SIPA1L1: variants seen among roughly 807,000 people sequenced by gnomAD.
The protein encoded by SIPA1L1 is signal induced proliferation associated 1 like 1.
SIPA1L1 carries 26 observed loss-of-function variants against 162.7 expected under a neutral mutation model. The ratio of observed to expected loss-of-function variants is 0.16; its 90% CI spans 0.12 to 0.22. SIPA1L1 has a LOEUF of 0.22. SIPA1L1 is among the 10% of genes least tolerant of loss of function. The pLI is 1.00. For missense variants in SIPA1L1, 1,874 were observed against 2,241.0 expected, an observed-to-expected ratio of 0.84 and a Z score of 3.31; for synonymous variants, 829 against 837.4, an observed-to-expected ratio of 0.99 and a Z score of 0.17.
intron 8 of SIPA1L1, among the ~76,000 whole-genome samples, chr14:71,651,629 G>A (rs1459554078): frequency 1.3e-5 from 2 of 152,038 alleles, no homozygotes; most frequent in Non-Finnish European, 2.9e-5. Flanking sequence ...CATTCATGTT[G>A]CCCCCATTTG....
At chr14:71,459,462 G>C (rs1279088229) in intron 2 of SIPA1L1, among the ~76,000 whole-genome samples, 1 of 147,820 alleles carries the variant, frequency 6.8e-6, no homozygotes, top group Non-Finnish European at 1.5e-5. Context: ...TCCATCCAGA[G>C]AGAGAGAGAG....
intron 12 of SIPA1L1, among the ~76,000 whole-genome samples, chr14:71,676,793 A>G (rs2045248424): frequency 6.6e-6 from 1 of 152,030 alleles, no homozygotes; most frequent in South Asian, 2.1e-4. Flanking sequence ...ATGTCCCTAC[A>G]AAGGACATTA....
At chr14:71,421,476 G>A (rs1719914784) in intron 2 of SIPA1L1, among the ~76,000 whole-genome samples, 1 of 152,080 alleles carries the variant, frequency 6.6e-6, no homozygotes, top group Non-Finnish European at 1.5e-5. Flanking sequence ...GTGTTTGCTT[G>A]TAGTCCCAGC....
In SIPA1L1 at chr14:71,670,007, C is replaced by G. The variant is rs544013737; in HGVS notation, c.2256-1112C>G. 5.9e-5 allele frequency among the ~76,000 whole-genome samples: 9 copies of G among 152,250 alleles called. No individual in the cohort carries two copies. The South Asian group carries it at 1.9e-3, about 32-fold the overall frequency. On this transcript the variant is annotated intron_variant, in intron 10 of 23. Coordinates refer to ENST00000381232, the MANE Select transcript of SIPA1L1 (RefSeq NM_001386936.1). ...ATTTTATTTGAAAGATGCATACTCT[C>G]TGATGATGCCATTTCTATTCCAAGA...
chr14:71,519,145 T>C (rs985246368), intron 3 of SIPA1L1, among the ~76,000 whole-genome samples: 10 of 151,602 alleles, frequency 6.6e-5, no homozygotes, highest in African/African-American at 1.7e-4. Context: ...AAACTAGAAA[T>C]ATTACCCGGT....
At chr14:71,386,032 C>T (rs185107733) in intron 2 of SIPA1L1, among the ~76,000 whole-genome samples, 43 of 152,180 alleles carry the variant, frequency 2.8e-4, no homozygotes, top group Middle Eastern at 3.4e-3. Context: ...TTATGCTTAC[C>T]GTATATCTCA....
chr14:71,682,442 A>T (rs933184332), intron 12 of SIPA1L1, among the ~76,000 whole-genome samples: 1 of 152,250 alleles, frequency 6.6e-6, no homozygotes, highest in African/African-American at 2.4e-5. Flanking sequence ...GAAGCCAGTG[A>T]TGGTTACCCT....
chr14:71,429,164 ATT>A (rs1202891476), intron 2 of SIPA1L1, among the ~76,000 whole-genome samples: 3 of 152,052 alleles, frequency 2.0e-5, no homozygotes, highest in Non-Finnish European at 2.9e-5. Flanking sequence ...ACTTGATAAC[ATT>A]TTGTTTTTGT....
At chr14:71,379,474 AT>A (rs879537953) in intron 2 of SIPA1L1, 3,148 of 139,964 alleles carry the variant, frequency 0.022, 71 homozygotes, top group African/African-American at 0.064. Context: ...TGGCTAATTA[AT>A]TTTTTTTTTT....
In SIPA1L1 at chr14:71,658,372, A is replaced by G. The variant is rs766631314; in HGVS notation, c.2033A>G (p.Lys678Arg). The change falls in exon 9 of 24, where the codon AAA becomes AGA. Residue 678 changes from lysine to arginine, a missense_variant. Physicochemically the swap from Lys to Arg is conservative, Grantham distance 26. Coordinates refer to ENST00000381232, the MANE Select transcript of SIPA1L1 (RefSeq NM_001386936.1). ...TGTHSLYTTY[K>R]DYEIMFHVST... Reference sequence around the variant, plus strand: ...ACCCATTCTCTGTACACAACATACAAAGATTATGAAATTATGTTCCATGTT... The same window carrying G: ...ACCCATTCTCTGTACACAACATACAGAGATTATGAAATTATGTTCCATGTT... The G allele has an allele frequency of 2.9e-5, 47 of 1,611,814 alleles. No homozygotes were observed. The highest frequency in any genetic ancestry group is 1.0e-4 in the Admixed American group (6 of 59,980).
At chr14:71,326,265 G>C (rs2033790339) in intron 2 of SIPA1L1, among the ~76,000 whole-genome samples, 1 of 150,658 alleles carries the variant, frequency 6.6e-6, no homozygotes, top group Admixed American at 6.6e-5. Context: ...CTGGAGTGCA[G>C]TGGCATGACC....
intron 6 of SIPA1L1, among the ~76,000 whole-genome samples, chr14:71,619,354 A>C (rs1160508919): frequency 6.6e-6 from 1 of 152,066 alleles, no homozygotes; most frequent in African/African-American, 2.4e-5. Context: ...GACTTCTTCC[A>C]CTATCTTTGG....
At chr14:71,374,694 G>GTTT (rs35302982) in intron 2 of SIPA1L1, among the ~76,000 whole-genome samples, 15 of 139,196 alleles carry the variant, frequency 1.1e-4, no homozygotes, top group Admixed American at 1.4e-4. Flanking sequence ...CGTTTTGAAA[G>GTTT]TTTTTTTTTT....
chr14:71,700,691 G>A (rs1453773637), intron 14 of SIPA1L1, among the ~76,000 whole-genome samples: 1 of 152,158 alleles, frequency 6.6e-6, no homozygotes, highest in East Asian at 1.9e-4. Context: ...TAACTGGGGG[G>A]ATGATATAAT....
At chr14:71,376,931 T>A (rs535989990) in intron 2 of SIPA1L1, among the ~76,000 whole-genome samples, 1 of 152,218 alleles carries the variant, frequency 6.6e-6, no homozygotes, top group Non-Finnish European at 1.5e-5. Flanking sequence ...CTATGTCTAC[T>A]TCTTTCTACA....
At chr14:71,355,232 G>A (rs116350250) in intron 2 of SIPA1L1, among the ~76,000 whole-genome samples, 2 of 152,246 alleles carry the variant, frequency 1.3e-5, no homozygotes, top group African/African-American at 2.4e-5. Flanking sequence ...TACTTTTTCC[G>A]TCTTTGCCAA....
intron 4 of SIPA1L1, among the ~76,000 whole-genome samples, chr14:71,537,647 G>C (rs762520692): frequency 3.3e-5 from 5 of 151,984 alleles, no homozygotes; most frequent in Non-Finnish European, 7.4e-5. Context: ...CAGTGTGGGC[G>C]AGTGGGCTAT....
chr14:71,604,733 T>C (rs1048444337), intron 5 of SIPA1L1, among the ~76,000 whole-genome samples: 1 of 152,146 alleles, frequency 6.6e-6, no homozygotes, highest in Non-Finnish European at 1.5e-5. Flanking sequence ...CATTCTCTAC[T>C]GGCTTATAAG....
chr14:71,479,555 G>A (rs760670284), intron 2 of SIPA1L1, among the ~76,000 whole-genome samples: 19 of 149,732 alleles, frequency 1.3e-4, no homozygotes, highest in Non-Finnish European at 2.4e-4. Context: ...GCCACGATGC[G>A]GGGCCAATTT....
Sources: allele counts gnomAD v4.1 joint callset (sites outside exome capture counted in the v4.1 genomes callset), GRCh38; gene constraint gnomAD v4.1.1; transcripts MANE v1.5; gene names NCBI Gene and HGNC (gene_info 2026-07-23, HGNC 2026-07-21).